Variants in ZBTB7C observed in about 807,000 individuals in gnomAD.
ZBTB7C encodes the protein zinc finger and BTB domain-containing protein 7C.
Under a neutral mutation model 25.7 loss-of-function variants are expected in ZBTB7C, and 8 were observed. The observed-to-expected ratio is 0.31, with a 90% confidence interval of 0.18 to 0.56. The LOEUF (loss-of-function observed/expected upper bound fraction) is 0.56, where lower values mean the gene tolerates loss of function less well. Ranked by LOEUF, ZBTB7C falls within the 20% of genes least tolerant of loss-of-function variation. ZBTB7C has a pLI of 0.91. For synonymous variants in ZBTB7C, 394 were observed against 369.0 expected (o/e 1.07, Z -0.78); for missense variants, 824 against 855.2 (o/e 0.96, Z 0.46).
intron 3 of ZBTB7C, among the ~76,000 whole-genome samples, chr18:48,160,816 C>T (rs1182886247): frequency 6.6e-6 from 1 of 152,024 alleles, no homozygotes; most frequent in East Asian, 1.9e-4. Flanking sequence ...CTGAGGGGGG[C>T]CAGGTGGCCT....
In ZBTB7C at chr18:48,029,436, C is replaced by A; in HGVS notation, c.1684G>T (p.Ala562Ser). 1.3e-6 allele frequency: 2 copies of A among 1,591,728 alleles called. No individual in the cohort carries two copies. The highest frequency in any genetic ancestry group is 1.4e-5 in the African/African-American group (1 of 73,588). The change falls in exon 5 of 5, where the codon GCG becomes TCG. Residue 562 changes from alanine (A) to serine (S), a missense_variant. By Grantham distance (99) the Ala-to-Ser change is moderately conservative. Coordinates refer to ENST00000590800, the MANE Select transcript of ZBTB7C (RefSeq NM_001318841.2). ...EETQMKLFGR[A>S]QLEAERNAGG... ...GCGTTCCTCTCAGCCTCCAGCTGCG[C>A]GCGCCCGAACAGCTTCATCTGTGTC... is the stretch of plus-strand genomic sequence containing the variant.
chr18:48,058,819 G>A (rs2037020255), intron 3 of ZBTB7C, among the ~76,000 whole-genome samples: 1 of 152,236 alleles, frequency 6.6e-6, no homozygotes, highest in Non-Finnish European at 1.5e-5. Context: ...TACTGTGGGG[G>A]AAACCATTGT....
At chr18:48,118,182 T>G (rs1442601821) in intron 3 of ZBTB7C, among the ~76,000 whole-genome samples, 1 of 152,048 alleles carries the variant, frequency 6.6e-6, no homozygotes, top group African/African-American at 2.4e-5. Flanking sequence ...ATTTTTGTAT[T>G]TTTAGCAGAG....
chr18:48,266,391 C>T (rs1465748043), intron 2 of ZBTB7C, among the ~76,000 whole-genome samples: 1 of 152,144 alleles, frequency 6.6e-6, no homozygotes, highest in African/African-American at 2.4e-5. Context: ...ATAGAACAAG[C>T]AGGTGGCAGA....
At chr18:48,174,457 C>T (rs987957638) in intron 3 of ZBTB7C, among the ~76,000 whole-genome samples, 1 of 152,186 alleles carries the variant, frequency 6.6e-6, no homozygotes, top group Admixed American at 6.5e-5. Context: ...TTGGCAAGGT[C>T]GTGGGAAAAC....
At chr18:48,245,955 T>C (rs8097150) in intron 2 of ZBTB7C, among the ~76,000 whole-genome samples, 14,779 of 152,192 alleles carry the variant, frequency 0.097, 875 homozygotes, top group East Asian at 0.19. Flanking sequence ...CAATTATTAA[T>C]TCCAGAAAAC....
rs1363954409 is a variant in ZBTB7C, at chr18:48,192,807, G to A, written c.-78-6812C>T. Among the ~76,000 whole-genome samples the A allele has an allele frequency of 3.3e-5, 5 of 152,308 alleles. No homozygotes were observed. The East Asian group carries it at 9.6e-4, about 29-fold the overall frequency. ...AACAATGTGTCAATATTGTGTCATC[G>A]ATTATAACAAATGTGCCACACTAAT... On this transcript the variant is annotated intron_variant, in intron 2 of 4. Transcript: ENST00000590800.
At chr18:48,077,411 C>CA in intron 3 of ZBTB7C, among the ~76,000 whole-genome samples, 1 of 152,208 alleles carries the variant, frequency 6.6e-6, no homozygotes, top group South Asian at 2.1e-4. Context: ...CCAGTACGCT[C>CA]ACACCCCAAA....
At chr18:48,224,329 A>G (rs2043035580) in intron 2 of ZBTB7C, among the ~76,000 whole-genome samples, 1 of 152,244 alleles carries the variant, frequency 6.6e-6, no homozygotes, top group African/African-American at 2.4e-5. Flanking sequence ...TTAAGGCACA[A>G]GATCTGATTC....
chr18:48,280,624 G>T (rs1205914751), intron 2 of ZBTB7C, among the ~76,000 whole-genome samples: 3 of 152,008 alleles, frequency 2.0e-5, no homozygotes, highest in Non-Finnish European at 2.9e-5. Context: ...GACCATATTT[G>T]AGAATGTCTC....
In ZBTB7C at chr18:48,409,381, T is replaced by C. The variant is rs1701496095; in HGVS notation, c.-459A>G. 6.9e-6 allele frequency: 1 copy of C among 144,358 alleles called. No homozygotes were observed. The highest frequency in any genetic ancestry group is 2.1e-4 in the South Asian group (1 of 4,686). The allele number at this position is 144,358 out of a possible 1,614,324, so 8.9% of individuals were successfully genotyped here. A position where few individuals can be genotyped will look rare whatever the true frequency, so the allele number is the denominator to read the frequency against. On this transcript the variant is annotated 5_prime_UTR_variant, in exon 1 of 5. In the 5' UTR this introduces an upstream ATG that the reference lacks. Transcript: ENST00000590800. ...CTCGTGGCGGGGCTGCGCCGGCGGG[T>C]ATGGAGCTGAGCGGCGGCAGCGGGC...
chr18:48,180,061 G>C (rs557175064), intron 3 of ZBTB7C, among the ~76,000 whole-genome samples: 3 of 85,676 alleles, frequency 3.5e-5, no homozygotes, highest in African/African-American at 9.5e-5. Context: ...CCCTCCCTCC[G>C]TACCTTCCTT....
intron 1 of ZBTB7C, among the ~76,000 whole-genome samples, chr18:48,390,768 A>T (rs1460653056): frequency 6.6e-6 from 1 of 152,232 alleles, no homozygotes; most frequent in African/African-American, 2.4e-5. Flanking sequence ...CTATCTCAAA[A>T]GAGATTGCAT....
intron 1 of ZBTB7C, among the ~76,000 whole-genome samples, chr18:48,353,878 G>A (rs1230901268): frequency 6.6e-6 from 1 of 152,202 alleles, no homozygotes; most frequent in East Asian, 1.9e-4. Flanking sequence ...TGAGGCCCAG[G>A]AGGGGGGTCC....
intron 1 of ZBTB7C, among the ~76,000 whole-genome samples, chr18:48,387,330 G>C (rs1484663164): frequency 6.6e-6 from 1 of 152,158 alleles, no homozygotes; most frequent in East Asian, 1.9e-4. Flanking sequence ...GGATTAGAGA[G>C]GAGGAGACCA....
chr18:48,161,856 C>T (rs1256279702), intron 3 of ZBTB7C, among the ~76,000 whole-genome samples: 1 of 151,966 alleles, frequency 6.6e-6, no homozygotes, highest in Non-Finnish European at 1.5e-5. Flanking sequence ...CCGGGCGCCC[C>T]TCCCCGCGGC....
rs139139563 is a variant in ZBTB7C, at chr18:48,193,353, GGCTAGACTCT to G, written c.-78-7368_-78-7359del. On this transcript the variant is annotated intron_variant, in intron 2 of 4. Transcript: ENST00000590800. ...TTAGCCCCCTCCTCGCAGGTCTAGA[GGCTAGACTCT>G]GCCCAGCCTTTTCCTATTCCCCACA... is the stretch of plus-strand genomic sequence containing the variant. Among the ~76,000 whole-genome samples, 5,710 of 152,234 alleles carry G rather than the reference GGCTAGACTCT, an allele frequency of 0.038. 828 individuals are homozygous for G. In the East Asian group the frequency reaches 0.48, roughly 13 times the overall value.
intron 3 of ZBTB7C, among the ~76,000 whole-genome samples, chr18:48,120,255 G>A (rs1365175030): frequency 6.6e-6 from 1 of 152,180 alleles, no homozygotes; most frequent in Non-Finnish European, 1.5e-5. Flanking sequence ...AAGGCTCCGA[G>A]CAGAAGCAGG....
At chr18:48,033,547 G>A (rs1275589701) in intron 4 of ZBTB7C, among the ~76,000 whole-genome samples, 1 of 152,194 alleles carries the variant, frequency 6.6e-6, no homozygotes, top group Admixed American at 6.5e-5. Flanking sequence ...GGGAATGGGG[G>A]CAAGGGGTGG....
Sources: allele counts gnomAD v4.1 joint callset (sites outside exome capture counted in the v4.1 genomes callset), GRCh38; gene constraint gnomAD v4.1.1; transcripts MANE v1.5; gene names NCBI Gene and HGNC (gene_info 2026-07-23, HGNC 2026-07-21).